The following MAML3 variants were observed in gnomAD, a reference collection of about 807,000 sequenced individuals.
MAML3 encodes mastermind like transcriptional coactivator 3.
In MAML3, 27 loss-of-function variants were observed where a neutral mutation model predicts 101.9. The ratio of observed to expected loss-of-function variants is 0.27; its 90% CI spans 0.20 to 0.37. The LOEUF is 0.37. MAML3 is among the 10% of genes least tolerant of loss of function. MAML3 has a pLI of 1.00. For synonymous variants in MAML3, 501 were observed against 555.9 expected, an observed-to-expected ratio of 0.90 and a Z score of 1.39; for missense variants, 1,316 against 1,444.9, an observed-to-expected ratio of 0.91 and a Z score of 1.45.
chr4:139,745,377 CAGATT>C (rs1394811899), intron 2 of MAML3, among the ~76,000 whole-genome samples: 1 of 152,136 alleles, frequency 6.6e-6, no homozygotes, highest in African/African-American at 2.4e-5. Flanking sequence ...AAGCTAGTGT[CAGATT>C]AGAACAGGGC....
chr4:139,962,174 G>A (rs528979528), intron 1 of MAML3, among the ~76,000 whole-genome samples: 3 of 152,044 alleles, frequency 2.0e-5, no homozygotes, highest in African/African-American at 7.2e-5. Context: ...CTTATCTAAA[G>A]TGGTGATGTT....
intron 2 of MAML3, among the ~76,000 whole-genome samples, chr4:139,732,573 G>A (rs1372869782): frequency 1.2e-4 from 4 of 32,524 alleles, no homozygotes; most frequent in East Asian, 9.1e-4. Flanking sequence ...GAACTAGAAC[G>A]CTATTTTTTT....
At chr4:140,149,213 A>AG (rs1469564198) in intron 1 of MAML3, among the ~76,000 whole-genome samples, 1 of 152,192 alleles carries the variant, frequency 6.6e-6, no homozygotes, top group Admixed American at 6.5e-5. Context: ...CAAGTCTTTG[A>AG]GGGGAAGAAA....
intron 2 of MAML3, among the ~76,000 whole-genome samples, chr4:139,758,330 T>C (rs1450637195): frequency 6.6e-6 from 1 of 152,208 alleles, no homozygotes; most frequent in Non-Finnish European, 1.5e-5. Context: ...TGAGTATACG[T>C]TGCTGTGTAA....
intron 1 of MAML3, among the ~76,000 whole-genome samples, chr4:139,948,015 C>G (rs551504166): frequency 6.6e-6 from 1 of 151,910 alleles, no homozygotes; most frequent in Non-Finnish European, 1.5e-5. Context: ...GCAGGAGAAT[C>G]GCTTGAACCT....
intron 1 of MAML3, among the ~76,000 whole-genome samples, chr4:140,070,582 G>A (rs940409075): frequency 2.6e-5 from 4 of 152,228 alleles, no homozygotes; most frequent in Middle Eastern, 3.4e-3. Flanking sequence ...CCCAAGAACC[G>A]AAATGAAACT....
At position 139,718,140 on chromosome 4, in the gene MAML3, G is replaced by C. The variant is rs1429035375; in HGVS notation, c.*1183C>G. ...GGGAGCCTGAACCAGTGACCTCCAG[G>C]CCACTCCTTCCTGGGGATATCAGAA... On this transcript the variant is annotated 3_prime_UTR_variant, in exon 5 of 5. Transcript: ENST00000509479. 6.6e-6 allele frequency: 1 copy of C among 152,064 alleles called. No individual in the cohort carries two copies. Among genetic ancestry groups the C allele is most frequent in the Non-Finnish European group, 1.5e-5 (1 of 68,040 alleles). 9.4% of individuals were successfully genotyped at this position (152,064 alleles called of 1,614,324 possible). A position where few individuals can be genotyped will look rare whatever the true frequency, so the allele number is the denominator to read the frequency against.
chr4:139,886,787 AAC>A (rs1310119587), intron 2 of MAML3, among the ~76,000 whole-genome samples: 1 of 152,224 alleles, frequency 6.6e-6, no homozygotes, highest in Non-Finnish European at 1.5e-5. Flanking sequence ...TACTAGATAA[AAC>A]ACATTCAAAA....
At chr4:140,149,923 T>C (rs1167283457) in intron 1 of MAML3, among the ~76,000 whole-genome samples, 1 of 146,000 alleles carries the variant, frequency 6.8e-6, no homozygotes, top group Non-Finnish European at 1.5e-5. Flanking sequence ...ATATAACTTG[T>C]AGAGCATGTT....
intron 1 of MAML3, among the ~76,000 whole-genome samples, chr4:139,972,347 C>T (rs188089839): frequency 8.0e-4 from 122 of 152,304 alleles, no homozygotes; most frequent in African/African-American, 2.7e-3. Context: ...AAAAATATAT[C>T]CAATCCTTTG....
intron 2 of MAML3, among the ~76,000 whole-genome samples, chr4:139,739,285 T>G (rs1729071923): frequency 6.6e-6 from 1 of 152,216 alleles, no homozygotes; most frequent in Non-Finnish European, 1.5e-5. Flanking sequence ...AATGTGAGAA[T>G]GCCACCAGCC....
intron 1 of MAML3, among the ~76,000 whole-genome samples, chr4:140,078,983 TG>T (rs1319916286): frequency 1.3e-5 from 2 of 152,154 alleles, no homozygotes; most frequent in Non-Finnish European, 2.9e-5. Context: ...CAATGGTATA[TG>T]AAAAACCTCG....
intron 2 of MAML3, among the ~76,000 whole-genome samples, chr4:139,846,882 G>C (rs1731461159): frequency 6.6e-6 from 1 of 152,114 alleles, no homozygotes; most frequent in Non-Finnish European, 1.5e-5. Flanking sequence ...TCCCCAGTGA[G>C]GCCATGTCAC....
chr4:140,073,109 T>C (rs1560885039), intron 1 of MAML3, among the ~76,000 whole-genome samples: 1 of 151,862 alleles, frequency 6.6e-6, no homozygotes, highest in African/African-American at 2.4e-5. Context: ...TGCAACCATC[T>C]GGCTTTCCAT....
At chr4:139,929,077 AG>A in intron 1 of MAML3, among the ~76,000 whole-genome samples, 1 of 152,326 alleles carries the variant, frequency 6.6e-6, no homozygotes, top group East Asian at 1.9e-4. Flanking sequence ...AACCAAAGCT[AG>A]AAACTAGGAG....
intron 2 of MAML3, among the ~76,000 whole-genome samples, chr4:139,746,234 T>C (rs1729316192): frequency 6.6e-6 from 1 of 152,242 alleles, no homozygotes; most frequent in Non-Finnish European, 1.5e-5. Flanking sequence ...ACATGGCATG[T>C]ATTCCACTAA....
At chr4:139,788,680 C>A (rs1302303782) in intron 2 of MAML3, among the ~76,000 whole-genome samples, 1 of 152,182 alleles carries the variant, frequency 6.6e-6, no homozygotes, top group Non-Finnish European at 1.5e-5. Context: ...AAGTTTTGGT[C>A]TATGAGATAC....
rs555583012 is a variant in MAML3 at position 139,894,110 on chromosome 4, A to C, written c.469-3143T>G. 8.5e-5 allele frequency among the ~76,000 whole-genome samples: 13 copies of C among 152,328 alleles called. No individual in the cohort carries two copies. In the East Asian group the frequency reaches 1.9e-3, roughly 23 times the overall value. ...CTGAACACTCACATGTGAAACTGCC[A>C]GGCCTCTAGAGGAGCACCATGGATA... On this transcript the variant is annotated intron_variant, in intron 1 of 4. Coordinates refer to ENST00000509479, the MANE Select transcript of MAML3 (RefSeq NM_018717.5).
chr4:139,829,020 AGG>A (rs1731115362), intron 2 of MAML3, among the ~76,000 whole-genome samples: 2 of 121,006 alleles, frequency 1.7e-5, no homozygotes, highest in Admixed American at 8.2e-5. Flanking sequence ...GAAGGAAGGA[AGG>A]ACGGACGGAC....
Sources: allele counts gnomAD v4.1 joint callset (sites outside exome capture counted in the v4.1 genomes callset), GRCh38; gene constraint gnomAD v4.1.1; transcripts MANE v1.5; gene names NCBI Gene and HGNC (gene_info 2026-07-23, HGNC 2026-07-21).